The following DNAH12 variants were observed in gnomAD, a reference collection of about 807,000 sequenced individuals.
DNAH12 encodes the protein dynein axonemal heavy chain 12, also known as axonemal beta dynein heavy chain 12.
A neutral mutation model predicts 371.5 loss-of-function variants in DNAH12; 285 were observed. That is an observed-to-expected ratio of 0.77 (90% CI 0.70 to 0.85). The LOEUF is 0.85. Among genes scored for constraint, DNAH12 ranks in the 40% least tolerant of loss-of-function variants. The pLI is 0.00. For synonymous variants in DNAH12, 1,200 were observed against 1,213.0 expected (o/e 0.99, Z 0.22); for missense variants, 3,611 against 3,689.4 (o/e 0.98, Z 0.55).
intron 50 of DNAH12, among the ~76,000 whole-genome samples, chr3:57,381,262 T>C (rs932616953): frequency 6.6e-6 from 1 of 150,538 alleles, no homozygotes; most frequent in Non-Finnish European, 1.5e-5. Context: ...TGTGTGTGTG[T>C]AAATGAGAAT....
At chr3:57,491,099 A>AAAAAAAAAAAAAAAAAC (rs56259991) in intron 11 of DNAH12, among the ~76,000 whole-genome samples, 4 of 112,790 alleles carry the variant, frequency 3.5e-5, no homozygotes, top group Admixed American at 1.1e-4. Context: ...AAAAAAAAAA[A>AAAAAAAAAAAAAAAAAC]AACAACAAAT....
intron 25 of DNAH12, among the ~76,000 whole-genome samples, chr3:57,447,775 G>A (rs1242191173): frequency 6.6e-6 from 1 of 152,084 alleles, no homozygotes; most frequent in Non-Finnish European, 1.5e-5. Context: ...CTGGGCTCAA[G>A]CAACCCTCCC....
intron 11 of DNAH12, among the ~76,000 whole-genome samples, chr3:57,497,442 G>A (rs923912689): frequency 6.6e-6 from 1 of 152,166 alleles, no homozygotes; most frequent in African/African-American, 2.4e-5. Flanking sequence ...CACAGATATA[G>A]GGTCAATTGA....
chr3:57,421,809 T>C (rs1663570242), intron 35 of DNAH12, 103 bp from the exon 36 acceptor site: 1 of 1,284,112 alleles, frequency 7.8e-7, no homozygotes, highest in Admixed American at 2.0e-5. Flanking sequence ...TCAACTTACT[T>C]GAACAAGGTC....
Position 57,533,727 on chromosome 3 carries a change from C to G in DNAH12, c.170+8974G>C, listed in dbSNP as rs139538861. On this transcript the variant is annotated intron_variant, in intron 2 of 73. Transcript: ENST00000495027. ...TGTGACTGAGCGGGTATCCCAGATG[C>G]AAGACAAAATTCTCTTTGCTCTTCC... is the stretch of plus-strand genomic sequence containing the variant. 3.8e-3 allele frequency among the ~76,000 whole-genome samples: 586 copies of G among 152,314 alleles called. 6 individuals are homozygous for G. Among genetic ancestry groups the G allele is most frequent in the African/African-American group, 0.014 (565 of 41,578 alleles).
At chr3:57,442,049 G>T (rs1462615926) in intron 29 of DNAH12, among the ~76,000 whole-genome samples, 2 of 152,056 alleles carry the variant, frequency 1.3e-5, no homozygotes, top group Non-Finnish European at 2.9e-5. Flanking sequence ...AGGGTGGGGT[G>T]GGGAGGAGAC....
intron 9 of DNAH12, 134 bp downstream of exon 9, chr3:57,503,882 A>G (rs1039497209): frequency 2.7e-6 from 2 of 752,186 alleles, no homozygotes; most frequent in East Asian, 5.6e-5. Context: ...TCAAAGAGAA[A>G]GCAATTTCTA....
intron 4 of DNAH12, among the ~76,000 whole-genome samples, chr3:57,513,963 T>C (rs1401146452): frequency 1.3e-5 from 2 of 152,156 alleles, no homozygotes; most frequent in African/African-American, 2.4e-5. Flanking sequence ...ATATACAAGG[T>C]ATTCATTGCA....
chr3:57,307,040 T>G (rs896264967), intron 69 of DNAH12, among the ~76,000 whole-genome samples: 1 of 152,190 alleles, frequency 6.6e-6, no homozygotes, highest in Non-Finnish European at 1.5e-5. Flanking sequence ...TGGGCTGTAC[T>G]GCCACAAGGC....
chr3:57,441,722 G>T (rs567164756), intron 29 of DNAH12, among the ~76,000 whole-genome samples: 6 of 152,174 alleles, frequency 3.9e-5, no homozygotes, highest in African/African-American at 1.2e-4. Flanking sequence ...AGCCCAGGAG[G>T]TTGACAATGC....
chr3:57,461,903 CT>C (rs1398460042), intron 18 of DNAH12, among the ~76,000 whole-genome samples: 2 of 152,158 alleles, frequency 1.3e-5, no homozygotes, highest in African/African-American at 2.4e-5. Flanking sequence ...AAAGAATTCA[CT>C]TGCTATGAAA....
At position 57,510,058 on chromosome 3, in the gene DNAH12, G is replaced by A. The variant is rs754626189; in HGVS notation, c.469+732C>T. 1.1e-3 allele frequency among the ~76,000 whole-genome samples: 167 copies of A among 151,532 alleles called. 1 individual carries two copies. The highest frequency in any genetic ancestry group is 3.4e-3 in the Middle Eastern group (1 of 294). ...AGCTATTCCACACATATTTCAAAAC[G>A]TATTGTACATGATAATTATATACAA... On this transcript the variant is annotated intron_variant, in intron 5 of 73. Coordinates refer to ENST00000495027, the MANE Select transcript of DNAH12 (RefSeq NM_001366028.2).
intron 25 of DNAH12, among the ~76,000 whole-genome samples, chr3:57,448,506 G>A (rs1559672370): frequency 6.6e-6 from 1 of 150,744 alleles, no homozygotes; most frequent in Admixed American, 6.7e-5. Context: ...GAAGCTGTAG[G>A]TCTTCGCAGT....
intron 25 of DNAH12, among the ~76,000 whole-genome samples, chr3:57,451,005 A>G (rs2065740896): frequency 6.6e-6 from 1 of 152,234 alleles, no homozygotes; most frequent in African/African-American, 2.4e-5. Context: ...GCTGCTTTGA[A>G]GTGGAATAAT....
Position 57,507,760 on chromosome 3 carries a change from C to G in DNAH12, c.780G>C (p.Met260Ile). Residue 260 changes from methionine (M) to isoleucine (I), a missense_variant, in exon 8 of 74, where the codon ATG becomes ATC. Coordinates refer to ENST00000495027, the MANE Select transcript of DNAH12 (RefSeq NM_001366028.2). ...IQTRNAEEKI[M>I]NTWYPKVINL... Reference sequence around the variant, plus strand: ...TTATAACCTTTGGATACCATGTATTCATTATCTTCTCTTCTGCGTTTCTAG... The same window carrying G: ...TTATAACCTTTGGATACCATGTATTGATTATCTTCTCTTCTGCGTTTCTAG... 2 of 1,611,558 alleles carry G rather than the reference C, an allele frequency of 1.2e-6. No homozygotes were observed. Among genetic ancestry groups the G allele is most frequent in the South Asian group, 2.2e-5 (2 of 90,340 alleles).
chr3:57,302,530 T>TTTAC (rs1491216827), intron 69 of DNAH12, among the ~76,000 whole-genome samples: 1 of 17,526 alleles, frequency 5.7e-5, no homozygotes. Flanking sequence ...GCATCAGGTG[T>TTTAC]ATATATATAT....
intron 69 of DNAH12, among the ~76,000 whole-genome samples, chr3:57,302,565 GTATTTTT>G (rs2061380661): frequency 3.5e-5 from 1 of 28,858 alleles, no homozygotes; most frequent in African/African-American, 1.3e-4. Context: ...ATATATATAT[GTATTTTT>G]TTTTTTTTTT....
At chr3:57,318,028 T>C (rs1233864510) in intron 65 of DNAH12, among the ~76,000 whole-genome samples, 1 of 152,134 alleles carries the variant, frequency 6.6e-6, no homozygotes, top group African/African-American at 2.4e-5. Context: ...TGTTTTCTGT[T>C]GTTGTTATTG....
At chr3:57,400,036 C>T (rs2063824723) in intron 43 of DNAH12, among the ~76,000 whole-genome samples, 1 of 152,192 alleles carries the variant, frequency 6.6e-6, no homozygotes, top group Non-Finnish European at 1.5e-5. Flanking sequence ...AGCCTGTATT[C>T]CCAGATCTCT....
Sources: gnomAD v4.1 joint callset for allele counts (sites outside exome capture counted in the v4.1 genomes callset) on GRCh38, gnomAD v4.1.1 for gene constraint, MANE v1.5 for transcripts, NCBI Gene and HGNC (gene_info 2026-07-23, HGNC 2026-07-21) for gene names.